The following SAMD4A variants were observed in gnomAD, a reference collection of about 807,000 sequenced individuals.
The protein encoded by SAMD4A is sterile alpha motif domain containing 4A, also known as protein Smaug homolog 1.
A neutral mutation model predicts 81.3 loss-of-function variants in SAMD4A; 33 were observed. The ratio of observed to expected loss-of-function variants is 0.41; its 90% CI spans 0.31 to 0.54. The LOEUF is 0.54. Among genes scored for constraint, SAMD4A ranks in the 20% least tolerant of loss-of-function variants. The probability of loss-of-function intolerance (pLI) is 0.37; values close to 1 mark genes in which losing one functional copy is unlikely to be tolerated. For synonymous variants in SAMD4A, 389 were observed against 382.1 expected (o/e 1.02, Z -0.21); for missense variants, 854 against 951.1 (o/e 0.90, Z 1.34).
intron 2 of SAMD4A, among the ~76,000 whole-genome samples, chr14:54,607,354 A>G (rs954606736): frequency 1.3e-5 from 2 of 152,138 alleles, no homozygotes; most frequent in Non-Finnish European, 2.9e-5. Context: ...GTCAGGAGAT[A>G]GTAAGAAGTA....
chr14:54,605,898 T>G (rs1046011845), intron 2 of SAMD4A, among the ~76,000 whole-genome samples: 5 of 152,132 alleles, frequency 3.3e-5, no homozygotes, highest in African/African-American at 1.2e-4. Flanking sequence ...TTTGAGGAAC[T>G]CATATATTTA....
intron 2 of SAMD4A, among the ~76,000 whole-genome samples, chr14:54,569,714 A>G (rs1594674359): frequency 1.3e-5 from 2 of 152,226 alleles, no homozygotes; most frequent in Non-Finnish European, 2.9e-5. Context: ...AAACAAGGTT[A>G]TATAAACTTT....
intron 7 of SAMD4A, among the ~76,000 whole-genome samples, chr14:54,761,680 GC>G (rs1245391587): frequency 3.3e-5 from 5 of 152,200 alleles, no homozygotes; most frequent in Admixed American, 1.3e-4. Flanking sequence ...GCAGTGCACA[GC>G]CTGCACATCC....
intron 2 of SAMD4A, among the ~76,000 whole-genome samples, chr14:54,623,505 A>AGGTAT (rs1232813194): frequency 2.7e-5 from 4 of 148,492 alleles, no homozygotes; most frequent in Non-Finnish European, 6.0e-5. Context: ...AAAAAAAAAA[A>AGGTAT]AAAAAAAAGC....
intron 2 of SAMD4A, among the ~76,000 whole-genome samples, chr14:54,582,095 T>G (rs2033484880): frequency 6.6e-6 from 1 of 152,194 alleles, no homozygotes; most frequent in Non-Finnish European, 1.5e-5. Context: ...AGTTAAAATA[T>G]TGAAATTCTG....
At chr14:54,786,713 A>C (rs1157045106) in intron 12 of SAMD4A, among the ~76,000 whole-genome samples, 1 of 152,254 alleles carries the variant, frequency 6.6e-6, no homozygotes, top group Non-Finnish European at 1.5e-5. Flanking sequence ...GGCTCATATC[A>C]AACTGCTAAG....
chr14:54,706,711 AGGGGAGGGGGCCCCT>A lies in SAMD4A; in HGVS notation c.715+4135_715+4149del, dbSNP rs539307979. On this transcript the variant is annotated intron_variant, in intron 3 of 12. Transcript: ENST00000554335. Reference sequence around the variant, plus strand: ...GATGGAAAGAGGAAGGAGAGTCTGGAGGGGAGGGGGCCCCTGGGTAGGAATACGCACTGAGAGCAA... The same window carrying A: ...GATGGAAAGAGGAAGGAGAGTCTGGAGGGTAGGAATACGCACTGAGAGCAA... Among the ~76,000 whole-genome samples, 37 of 152,012 alleles carry A rather than the reference AGGGGAGGGGGCCCCT, an allele frequency of 2.4e-4. 1 individual carries two copies. The South Asian group carries it at 7.5e-3, about 31-fold the overall frequency.
At chr14:54,669,937 C>T (rs889924912) in intron 2 of SAMD4A, among the ~76,000 whole-genome samples, 19 of 151,982 alleles carry the variant, frequency 1.3e-4, no homozygotes, top group African/African-American at 3.6e-4. Flanking sequence ...TCCCTTCTGC[C>T]CCCCCAGCCC....
chr14:54,700,373 C>T (rs2036683704), intron 2 of SAMD4A, among the ~76,000 whole-genome samples: 1 of 152,212 alleles, frequency 6.6e-6, no homozygotes, highest in African/African-American at 2.4e-5. Context: ...CTCCAAAGCT[C>T]ATGCTCTTTC....
chr14:54,584,433 A>G (rs1362116341), intron 2 of SAMD4A, among the ~76,000 whole-genome samples: 1 of 152,198 alleles, frequency 6.6e-6, no homozygotes. Context: ...ACTAGGCTTT[A>G]GATTTAGGGA....
At chr14:54,622,497 A>T (rs8011699) in intron 2 of SAMD4A, among the ~76,000 whole-genome samples, 79,019 of 152,118 alleles carry the variant, frequency 0.52, 21,065 homozygotes, top group East Asian at 0.86. Flanking sequence ...AATATGTCAC[A>T]TTTGGGTAAT....
At chr14:54,630,807 G>A (rs2034877758) in intron 2 of SAMD4A, among the ~76,000 whole-genome samples, 1 of 151,968 alleles carries the variant, frequency 6.6e-6, no homozygotes, top group South Asian at 2.1e-4. Context: ...TAGGATGTGT[G>A]TATGCATATA....
intron 2 of SAMD4A, among the ~76,000 whole-genome samples, chr14:54,593,641 G>C (rs2033840087): frequency 6.6e-6 from 1 of 152,190 alleles, no homozygotes; most frequent in South Asian, 2.1e-4. Context: ...GCTTAATTTT[G>C]ATTGAAAAAT....
At chr14:54,716,939 A>G (rs1017386794) in intron 3 of SAMD4A, among the ~76,000 whole-genome samples, 2 of 152,150 alleles carry the variant, frequency 1.3e-5, no homozygotes, top group African/African-American at 4.8e-5. Context: ...TAGGCTTCCC[A>G]GATACATCAG....
intron 2 of SAMD4A, among the ~76,000 whole-genome samples, chr14:54,630,958 T>C (rs2034888441): frequency 1.5e-5 from 2 of 129,418 alleles, no homozygotes; most frequent in East Asian, 4.6e-4. Flanking sequence ...GTGTGTGTGA[T>C]GAGAAATCGG....
At chr14:54,581,258 T>C (rs372828003) in intron 2 of SAMD4A, among the ~76,000 whole-genome samples, 18 of 152,248 alleles carry the variant, frequency 1.2e-4, no homozygotes, top group Non-Finnish European at 2.2e-4. Flanking sequence ...ATTCTCAAAG[T>C]ACCAGTTGAA....
chr14:54,612,343 A>G (rs1230285891), intron 2 of SAMD4A, among the ~76,000 whole-genome samples: 1 of 152,178 alleles, frequency 6.6e-6, no homozygotes, highest in Non-Finnish European at 1.5e-5. Context: ...AATATGATAG[A>G]CTAATCTACA....
At chr14:54,757,379 TTATTTGTGTGTG>T (rs1170496673) in intron 6 of SAMD4A, among the ~76,000 whole-genome samples, 1 of 124,298 alleles carries the variant, frequency 8.0e-6, no homozygotes, top group East Asian at 2.3e-4. Flanking sequence ...TTTGGTTTCT[TTATTTGTGTGTG>T]TGTGTGTGTG....
rs578101376 is a variant in SAMD4A, at chr14:54,653,432, C to T, written c.197-48630C>T. The stretch of plus-strand genomic sequence containing the variant: ...TCTGCTCACTGCAACCTCCATCTCC[C>T]GGGTTCAAGCAATTCTTCTGCCTCA... On this transcript the variant is annotated intron_variant, in intron 2 of 12. Transcript: ENST00000554335. Among the ~76,000 whole-genome samples, 36 of 151,204 alleles carry T rather than the reference C, an allele frequency of 2.4e-4. No homozygotes were observed. In the South Asian group the frequency reaches 3.6e-3, roughly 15 times the overall value.
Sources: allele counts gnomAD v4.1 joint callset (sites outside exome capture counted in the v4.1 genomes callset), GRCh38; gene constraint gnomAD v4.1.1; transcripts MANE v1.5; gene names NCBI Gene and HGNC (gene_info 2026-07-23, HGNC 2026-07-21).